CDH12: variants seen among roughly 807,000 people sequenced by gnomAD.
CDH12 encodes the protein cadherin-12.
Under a neutral mutation model 74.1 loss-of-function variants are expected in CDH12, and 41 were observed. The observed-to-expected ratio is 0.55, with a 90% CI of 0.43 to 0.72. CDH12 has a LOEUF of 0.72. Ranked by LOEUF, CDH12 falls within the 30% of genes least tolerant of loss-of-function variation. The pLI is 0.00. For missense variants in CDH12, 945 were observed against 977.2 expected (o/e 0.97, Z 0.44); for synonymous variants, 399 against 355.0 (o/e 1.12, Z -1.39).
chr5:22,750,267 C>T (rs1426250392), intron 1 of CDH12, among the ~76,000 whole-genome samples: 1 of 152,048 alleles, frequency 6.6e-6, no homozygotes, highest in East Asian at 1.9e-4. Context: ...AAAAGGAAAA[C>T]TGGGTTCGCA....
intron 8 of CDH12, among the ~76,000 whole-genome samples, chr5:21,826,835 A>C (rs1356037081): frequency 6.6e-6 from 1 of 152,130 alleles, no homozygotes; most frequent in Non-Finnish European, 1.5e-5. Context: ...TCTTCACATC[A>C]AGACTATGAG....
chr5:21,953,081 G>C (rs1048124874), intron 6 of CDH12, among the ~76,000 whole-genome samples: 3 of 151,374 alleles, frequency 2.0e-5, no homozygotes, highest in Non-Finnish European at 4.4e-5. Context: ...GAGTGATTGA[G>C]AGTCTGATAC....
chr5:22,376,001 C>A (rs1741506783), intron 3 of CDH12, among the ~76,000 whole-genome samples: 1 of 152,156 alleles, frequency 6.6e-6, no homozygotes, highest in Admixed American at 6.5e-5. Flanking sequence ...CAAGGGGACA[C>A]CTGCACTTGC....
chr5:22,533,956 T>C (rs1391094248), intron 1 of CDH12, among the ~76,000 whole-genome samples: 1 of 152,194 alleles, frequency 6.6e-6, no homozygotes, highest in Non-Finnish European at 1.5e-5. Context: ...TAGAGCTAAG[T>C]AGTATCTTAT....
intron 3 of CDH12, among the ~76,000 whole-genome samples, chr5:22,390,014 TACACAC>T (rs70959727): frequency 6.7e-6 from 1 of 150,008 alleles, no homozygotes; most frequent in East Asian, 2.0e-4. Flanking sequence ...GTAGTCAGAA[TACACAC>T]ACACACACAC....
intron 3 of CDH12, among the ~76,000 whole-genome samples, chr5:22,384,548 AAAAAG>A (rs1741920524): frequency 6.6e-6 from 1 of 150,444 alleles, no homozygotes; most frequent in Non-Finnish European, 1.5e-5. Flanking sequence ...AAAGAAAAAG[AAAAAG>A]AAAAGAAAAT....
intron 4 of CDH12, among the ~76,000 whole-genome samples, chr5:22,130,379 C>T (rs1042774436): frequency 2.0e-5 from 3 of 151,882 alleles, no homozygotes; most frequent in Admixed American, 6.6e-5. Context: ...GGGTGATGGA[C>T]ATTAGAATGC....
chr5:22,680,694 A>G (rs748077328), intron 1 of CDH12, among the ~76,000 whole-genome samples: 1 of 152,094 alleles, frequency 6.6e-6, no homozygotes, highest in Non-Finnish European at 1.5e-5. Flanking sequence ...AATTCCTACA[A>G]AACACATTGG....
At chr5:22,071,429 G>T (rs546625643) in intron 5 of CDH12, among the ~76,000 whole-genome samples, 1 of 152,172 alleles carries the variant, frequency 6.6e-6, no homozygotes, top group African/African-American at 2.4e-5. Flanking sequence ...TGGATCACTA[G>T]TTACCAAAAC....
intron 6 of CDH12, among the ~76,000 whole-genome samples, chr5:21,859,210 G>T (rs1750904232): frequency 6.6e-6 from 1 of 151,840 alleles, no homozygotes; most frequent in African/African-American, 2.4e-5. Flanking sequence ...CATTCATAAA[G>T]AAAAAAGGTT....
At chr5:22,284,819 T>C (rs537837849) in intron 3 of CDH12, among the ~76,000 whole-genome samples, 1 of 146,560 alleles carries the variant, frequency 6.8e-6, no homozygotes, top group Non-Finnish European at 1.5e-5. Flanking sequence ...GCTTCAATAA[T>C]GAGAAACAAA....
At chr5:22,835,791 A>G (rs1736793126) in intron 1 of CDH12, among the ~76,000 whole-genome samples, 1 of 152,178 alleles carries the variant, frequency 6.6e-6, no homozygotes, top group Non-Finnish European at 1.5e-5. Context: ...CCTCAATGTG[A>G]TGGCTCATCA....
chr5:22,034,445 G>GA (rs1270303749), intron 5 of CDH12, among the ~76,000 whole-genome samples: 1 of 152,050 alleles, frequency 6.6e-6, no homozygotes, highest in African/African-American at 2.4e-5. Context: ...ATATTGTAAG[G>GA]AAAAAACATA....
At chr5:21,822,879 C>T (rs2149954174) in intron 8 of CDH12, among the ~76,000 whole-genome samples, 1 of 152,202 alleles carries the variant, frequency 6.6e-6, no homozygotes, top group East Asian at 1.9e-4. Context: ...TTTCTTGTCT[C>T]TGAACAATGA....
intron 4 of CDH12, among the ~76,000 whole-genome samples, chr5:22,086,979 C>A (rs556149009): frequency 2.0e-4 from 30 of 152,216 alleles, no homozygotes; most frequent in African/African-American, 7.2e-4. Flanking sequence ...AGACAAGTCT[C>A]AATTGAGAGA....
chr5:22,138,843 G>GTT (rs1226267502), intron 4 of CDH12, among the ~76,000 whole-genome samples: 1 of 43,678 alleles, frequency 2.3e-5, no homozygotes, highest in African/African-American at 7.5e-5. Context: ...ACATATATAC[G>GTT]TAATATATAT....
chr5:22,459,785 T>A (rs1271694690), intron 2 of CDH12, among the ~76,000 whole-genome samples: 1 of 151,942 alleles, frequency 6.6e-6, no homozygotes, highest in Admixed American at 6.6e-5. Flanking sequence ...GTTAATACGG[T>A]GAAACCCCGT....
At chr5:22,696,558 T>C (rs528251729) in intron 1 of CDH12, among the ~76,000 whole-genome samples, 1 of 152,218 alleles carries the variant, frequency 6.6e-6, no homozygotes, top group South Asian at 2.1e-4. Context: ...AAAAGACTAA[T>C]ATATATTTTT....
rs996531163 is a variant in CDH12, at chr5:22,490,211, C to A, written c.-428+15059G>T. 5.3e-5 allele frequency among the ~76,000 whole-genome samples: 8 copies of A among 152,182 alleles called. No homozygotes were observed. In the East Asian group the frequency reaches 1.4e-3, roughly 26 times the overall value. On this transcript the variant is annotated intron_variant, in intron 2 of 14. Coordinates refer to ENST00000382254, the MANE Select transcript of CDH12 (RefSeq NM_004061.5). ...GCATCCATATTCTTATGTGATATTA[C>A]GCATATCACTCACAGGAAAAACACA... is the stretch of plus-strand genomic sequence containing the variant.
Sources: gnomAD v4.1 joint callset for allele counts (sites outside exome capture counted in the v4.1 genomes callset) on GRCh38, gnomAD v4.1.1 for gene constraint, MANE v1.5 for transcripts, NCBI Gene and HGNC (gene_info 2026-07-23, HGNC 2026-07-21) for gene names.